GATAD1: variants seen among roughly 807,000 people sequenced by gnomAD.
The protein encoded by GATAD1 is GATA zinc finger domain containing 1.
GATAD1 carries 12 observed loss-of-function variants against 26.5 expected under a neutral mutation model. That is an observed-to-expected ratio of 0.45 (90% CI 0.29 to 0.73). GATAD1 has a LOEUF of 0.73. Among genes scored for constraint, GATAD1 ranks in the 30% least tolerant of loss-of-function variants. The pLI is 0.10. For missense variants in GATAD1, 266 were observed against 342.1 expected, an observed-to-expected ratio of 0.78 and a Z score of 1.75; for synonymous variants, 129 against 133.1, an observed-to-expected ratio of 0.97 and a Z score of 0.21.
Position 92,447,483 on chromosome 7 carries a change from T to G in GATAD1, c.-247T>G. 3.3e-6 allele frequency: 1 copy of G among 305,022 alleles called. No homozygotes were observed. Among genetic ancestry groups the G allele is most frequent in the Non-Finnish European group, 5.9e-6 (1 of 169,974 alleles). 18.9% of individuals were successfully genotyped at this position (305,022 alleles called of 1,614,324 possible). A position where few individuals can be genotyped will look rare whatever the true frequency, so the allele number is the denominator to read the frequency against. Reference sequence around the variant, plus strand: ...GTCCCCCCCACCCCGGCCAGATCCCTTTCCCAGTCCTGCTTCCCAGTGCCT... The same window carrying G: ...GTCCCCCCCACCCCGGCCAGATCCCGTTCCCAGTCCTGCTTCCCAGTGCCT... On this transcript the variant is annotated 5_prime_UTR_variant, in exon 1 of 5. Coordinates refer to ENST00000287957, the MANE Select transcript of GATAD1 (RefSeq NM_021167.5).
the GATAD1 span, among the ~76,000 whole-genome samples, chr7:92,479,008 G>A: frequency 4.0e-3 from 602 of 152,290 alleles, 2 homozygotes; most frequent in African/African-American, 0.014. Flanking sequence ...CCTGGGCCCT[G>A]TGCAAATCAG....
chr7:92,493,110 A>T, the GATAD1 span: 1 of 1,605,272 alleles, frequency 6.2e-7, no homozygotes, highest in Non-Finnish European at 8.5e-7. Context: ...GAGGACATTT[A>T]AAATTTCAAG....
the GATAD1 span, among the ~76,000 whole-genome samples, chr7:92,466,561 G>T: frequency 6.6e-6 from 1 of 152,172 alleles, no homozygotes; most frequent in Non-Finnish European, 1.5e-5. Context: ...AGGCAGTAGA[G>T]AAAGATAAGC....
the GATAD1 span, among the ~76,000 whole-genome samples, chr7:92,467,741 G>A: frequency 6.6e-6 from 1 of 152,244 alleles, no homozygotes; most frequent in South Asian, 2.1e-4. Context: ...GGAAGACTTT[G>A]AAAAGTATTA....
At chr7:92,456,224 G>T (rs954949264) in intron 4 of GATAD1, 148 bp from the exon 5 acceptor site, 3 of 526,996 alleles carry the variant, frequency 5.7e-6, no homozygotes. Context: ...AAATGATTAA[G>T]AATAATTTCA....
intron 2 of GATAD1, 183 bp downstream of exon 2, chr7:92,449,060 G>C: frequency 9.5e-7 from 1 of 1,056,840 alleles, no homozygotes; most frequent in Non-Finnish European, 1.3e-6. Context: ...TGTTTATAAA[G>C]TTAATAATAC....
the GATAD1 span, chr7:92,469,432 CTT>C: frequency 9.1e-6 from 7 of 771,490 alleles, no homozygotes; most frequent in Non-Finnish European, 1.7e-5. Flanking sequence ...AATGGGTACT[CTT>C]TTGTTGCGGG....
chr7:92,485,449 A>G, the GATAD1 span, among the ~76,000 whole-genome samples: 1 of 152,226 alleles, frequency 6.6e-6, no homozygotes, highest in African/African-American at 2.4e-5. Flanking sequence ...ACCACAATAT[A>G]GTCATGGCCC....
Position 92,459,697 on chromosome 7 carries a change from A to G in GATAD1, c.*3135A>G, listed in dbSNP as rs1230205019. Among the ~76,000 whole-genome samples, 1 of 152,182 alleles carries G rather than the reference A, an allele frequency of 6.6e-6. No individual in the cohort carries two copies. The highest frequency in any genetic ancestry group is 2.4e-5 in the African/African-American group (1 of 41,440). On this transcript the variant is annotated 3_prime_UTR_variant, in exon 5 of 5. Coordinates refer to ENST00000287957, the MANE Select transcript of GATAD1 (RefSeq NM_021167.5). ...TCAATCTCTATCCTATTGTCATCAC[A>G]TTTAAGTTTCTACTTCCATCATCCT...
rs758612559 is a variant in GATAD1, at chr7:92,454,642, C to T, written c.576C>T (p.Leu192=). The change falls in exon 4 of 5, where the codon CTC becomes CTT. Residue 192 remains leucine (L), a synonymous_variant. Coordinates refer to ENST00000287957, the MANE Select transcript of GATAD1 (RefSeq NM_021167.5). ...CACTGACGTGGCTCATTCCTACCCT[C>T]TCTAGCCCCAGAGACCAATTTGATC... ...SAALTWLIPT[L]SSPRDQFDPA... 2.5e-6 allele frequency: 4 copies of T among 1,609,126 alleles called. No homozygotes were observed. The South Asian group carries it at 4.5e-5, about 18-fold the overall frequency.
At position 92,459,470 on chromosome 7, in the gene GATAD1, C is replaced by T. The variant is rs1044298499; in HGVS notation, c.*2908C>T. On this transcript the variant is annotated 3_prime_UTR_variant, in exon 5 of 5. Transcript: ENST00000287957. ...TTGCTTATATTTCTCCTGCTGAGGC[C>T]GGACCTGATATGGCCCTGGTCTGTG... is the stretch of plus-strand genomic sequence containing the variant. 7 of 151,516 alleles carry T rather than the reference C, an allele frequency of 4.6e-5. No homozygotes were observed. The highest frequency in any genetic ancestry group is 1.7e-4 in the African/African-American group (7 of 41,126). The allele number at this position is 151,516 out of a possible 1,614,324, so 9.4% of individuals were successfully genotyped here.
the GATAD1 span, chr7:92,472,262 C>T: frequency 6.6e-6 from 1 of 152,232 alleles, no homozygotes; most frequent in Non-Finnish European, 1.5e-5. Context: ...AGTTGTCTGA[C>T]AGCCACAAGT....
the GATAD1 span, chr7:92,472,517 A>G: frequency 6.6e-6 from 1 of 152,242 alleles, no homozygotes; most frequent in African/African-American, 2.4e-5. Flanking sequence ...TGACATATGA[A>G]GAAAAGTCTT....
downstream of GATAD1, among the ~76,000 whole-genome samples, chr7:92,460,872 C>T (rs1448628529): frequency 6.6e-6 from 1 of 151,400 alleles, no homozygotes; most frequent in South Asian, 2.1e-4. Context: ...CTTTATACTT[C>T]GCAGTATTTT....
chr7:92,482,872 A>G, the GATAD1 span, among the ~76,000 whole-genome samples: 1 of 152,170 alleles, frequency 6.6e-6, no homozygotes, highest in Non-Finnish European at 1.5e-5. Context: ...TTGGCCGTCA[A>G]TACCCACAAC....
At chr7:92,476,246 G>T in the GATAD1 span, among the ~76,000 whole-genome samples, 2 of 152,138 alleles carry the variant, frequency 1.3e-5, no homozygotes, top group African/African-American at 4.8e-5. Flanking sequence ...CTACCTTTTT[G>T]CTTTTTTTAT....
At chr7:92,479,143 C>T in the GATAD1 span, among the ~76,000 whole-genome samples, 5 of 152,088 alleles carry the variant, frequency 3.3e-5, no homozygotes, top group Non-Finnish European at 2.9e-5. Flanking sequence ...TTCTTTTTTG[C>T]GTATTAAACT....
Position 92,447,774 on chromosome 7 carries a change from G to A in GATAD1, c.45G>A (p.Thr15=), listed in dbSNP as rs1789216530. ...LKPTCSVCKT[T]SSSMWKKGAQ... ...CCACCTGCAGCGTATGCAAGACCAC[G>A]TCGTCCTCCATGTGGAAGAAGGGAG... Residue 15 remains threonine, a synonymous_variant, in exon 1 of 5, where the codon ACG becomes ACA. Coordinates refer to ENST00000287957, the MANE Select transcript of GATAD1 (RefSeq NM_021167.5). 1 of 1,498,630 alleles carries A rather than the reference G, an allele frequency of 6.7e-7. No homozygotes were observed. Among genetic ancestry groups the A allele is most frequent in the African/African-American group, 1.5e-5 (1 of 68,366 alleles). The allele number at this position is 1,498,630 out of a possible 1,614,324, so 92.8% of individuals were successfully genotyped here.
the GATAD1 span, chr7:92,468,942 G>T: frequency 3.9e-6 from 3 of 760,822 alleles, no homozygotes; most frequent in African/African-American, 5.2e-5. Context: ...TTACAGCTTC[G>T]ATTCTGGAAG....
Sources: allele counts gnomAD v4.1 joint callset (sites outside exome capture counted in the v4.1 genomes callset), GRCh38; gene constraint gnomAD v4.1.1; transcripts MANE v1.5; gene names NCBI Gene and HGNC (gene_info 2026-07-23, HGNC 2026-07-21).